Variants in PLEKHH2 observed in about 807,000 individuals in gnomAD.
PLEKHH2 encodes the protein pleckstrin homology domain-containing family H member 2.
A neutral mutation model predicts 187.9 loss-of-function variants in PLEKHH2; 129 were observed. The ratio of observed to expected loss-of-function variants is 0.69; its 90% confidence interval spans 0.59 to 0.79. The LOEUF (loss-of-function observed/expected upper bound fraction) is 0.79, where lower values mean the gene tolerates loss of function less well. Ranked by LOEUF, PLEKHH2 falls within the 30% of genes least tolerant of loss-of-function variation. The pLI is 0.00. For synonymous variants in PLEKHH2, 686 were observed against 605.6 expected (o/e 1.13, Z -1.95); for missense variants, 2,076 against 1,751.2 (o/e 1.19, Z -3.31).
intron 15 of PLEKHH2, among the ~76,000 whole-genome samples, chr2:43,716,703 C>T (rs1258325294): frequency 6.6e-6 from 1 of 152,156 alleles, no homozygotes; most frequent in Non-Finnish European, 1.5e-5. Flanking sequence ...TGCCCATCAC[C>T]TTGTTTCTAC....
intron 2 of PLEKHH2, among the ~76,000 whole-genome samples, chr2:43,658,386 C>G (rs575410912): frequency 1.6e-4 from 25 of 152,202 alleles, no homozygotes; most frequent in South Asian, 2.1e-4. Flanking sequence ...TATTAGTTAT[C>G]TATTGCTGTA....
intron 20 of PLEKHH2, 38 bp downstream of exon 20, chr2:43,738,558 AGT>A: frequency 1.3e-6 from 2 of 1,516,958 alleles, no homozygotes; most frequent in Non-Finnish European, 1.8e-6. Context: ...TGCAATTTAA[AGT>A]GTTTTTTTTT....
intron 2 of PLEKHH2, among the ~76,000 whole-genome samples, chr2:43,646,218 T>C (rs1335769206): frequency 6.6e-6 from 1 of 152,196 alleles, no homozygotes; most frequent in Non-Finnish European, 1.5e-5. Flanking sequence ...ATCTCCAAGT[T>C]GGAGAAGTTT....
At chr2:43,683,587 T>C (rs1668349035) in intron 3 of PLEKHH2, among the ~76,000 whole-genome samples, 1 of 152,210 alleles carries the variant, frequency 6.6e-6, no homozygotes, top group South Asian at 2.1e-4. Flanking sequence ...ATTTGTTCTC[T>C]AAAGCTTTCC....
At chr2:43,693,755 T>C (rs939784043) in intron 4 of PLEKHH2, among the ~76,000 whole-genome samples, 1 of 129,454 alleles carries the variant, frequency 7.7e-6, no homozygotes, top group East Asian at 2.0e-4. Flanking sequence ...AAAATTGCAC[T>C]GGGGATTGGG....
intron 23 of PLEKHH2, 27 bp from the exon 24 acceptor site, chr2:43,745,839 A>C: frequency 6.5e-7 from 1 of 1,538,166 alleles, no homozygotes; most frequent in South Asian, 1.2e-5. Context: ...AAGTACTGTA[A>C]ATCTCAGTTT....
intron 2 of PLEKHH2, chr2:43,675,989 C>G: frequency 6.2e-7 from 1 of 1,614,014 alleles, no homozygotes; most frequent in South Asian, 1.1e-5. Flanking sequence ...TCATTACTTT[C>G]TATATTGAAC....
chr2:43,765,573 C>G lies in PLEKHH2; in HGVS notation c.4457C>G (p.Pro1486Arg). 1 of 1,613,792 alleles carries G rather than the reference C, an allele frequency of 6.2e-7. No homozygotes were observed. The highest frequency in any genetic ancestry group is 8.5e-7 in the Non-Finnish European group (1 of 1,179,926). ...CAGCCTCTTCTGTCAAGCAGCAGACCGACCAAAGGCCCCACCTTACTCTGA... is the reference window on the plus strand; with the variant it reads ...CAGCCTCTTCTGTCAAGCAGCAGACGGACCAAAGGCCCCACCTTACTCTGA... ...GSQPLLSSSR[P>R]TKGPTLL is the part of the protein sequence containing the mutation. Residue 1486 changes from proline to arginine, a missense_variant, in exon 30 of 30, where the codon CCG (proline) becomes CGG (arginine). By Grantham distance (103) the Pro-to-Arg change is moderately radical (BLOSUM62 -2). Transcript: ENST00000282406.
At position 43,746,805 on chromosome 2, in the gene PLEKHH2, C is replaced by G. The variant is rs867341277; in HGVS notation, c.3653+842C>G. ...CCAATATGGTGAAACCCCATCTCTA[C>G]TAAAAATACAAAAAATTAGCCAGGC... is the stretch of plus-strand genomic sequence containing the variant. On this transcript the variant is annotated intron_variant, in intron 24 of 29. Coordinates refer to ENST00000282406, the MANE Select transcript of PLEKHH2 (RefSeq NM_172069.4). Among the ~76,000 whole-genome samples the G allele has an allele frequency of 2.0e-5, 3 of 151,954 alleles. No homozygotes were observed. The South Asian group carries it at 6.2e-4, about 32-fold the overall frequency.
chr2:43,750,282 G>A (rs1671954002), intron 24 of PLEKHH2, among the ~76,000 whole-genome samples: 2 of 152,148 alleles, frequency 1.3e-5, no homozygotes, highest in Admixed American at 1.3e-4. Context: ...GACCAGCCTG[G>A]CCAACATGGT....
chr2:43,676,243 C>T, intron 2 of PLEKHH2: 9 of 1,613,872 alleles, frequency 5.6e-6, no homozygotes, highest in Non-Finnish European at 7.6e-6. Context: ...GTGAATTTGG[C>T]CAAACATAGT....
intron 2 of PLEKHH2, among the ~76,000 whole-genome samples, chr2:43,674,979 C>T (rs1667666675): frequency 7.0e-6 from 1 of 143,588 alleles, no homozygotes; most frequent in African/African-American, 2.6e-5. Context: ...AGCAAGACTC[C>T]ATTTCAAAAA....
chr2:43,649,715 G>C (rs1666372392), intron 2 of PLEKHH2, among the ~76,000 whole-genome samples: 1 of 152,132 alleles, frequency 6.6e-6, no homozygotes, highest in African/African-American at 2.4e-5. Flanking sequence ...CACATCTTTG[G>C]TTACTGGTTG....
At chr2:43,697,014 T>C (rs1216512732) in intron 6 of PLEKHH2, among the ~76,000 whole-genome samples, 157 bp from the exon 7 acceptor site, 1 of 152,250 alleles carries the variant, frequency 6.6e-6, no homozygotes, top group Middle Eastern at 3.2e-3. Flanking sequence ...ATGCTTGTCA[T>C]TGAAGGTTCT....
At chr2:43,718,440 AG>A (rs1363578738) in intron 15 of PLEKHH2, among the ~76,000 whole-genome samples, 1 of 152,010 alleles carries the variant, frequency 6.6e-6, no homozygotes, top group Non-Finnish European at 1.5e-5. Context: ...TGGGAGGCTG[AG>A]GCAGGAGAAT....
chr2:43,720,662 G>T lies in PLEKHH2; in HGVS notation c.2461-7G>T, dbSNP rs1670437191. On this transcript the variant is annotated splice_polypyrimidine_tract_variant and splice_region_variant and intron_variant, in intron 15 of 29. Coordinates refer to ENST00000282406, the MANE Select transcript of PLEKHH2 (RefSeq NM_172069.4). ...TAAACTTGTAATTCATTGAAATATG[G>T]TTTCAGGTAAAACATGGATATTCCA... 6.2e-7 allele frequency: 1 copy of T among 1,607,316 alleles called. No homozygotes were observed. The highest frequency in any genetic ancestry group is 1.3e-5 in the African/African-American group (1 of 74,664).
At chr2:43,648,150 G>A (rs7571775) in intron 2 of PLEKHH2, among the ~76,000 whole-genome samples, 85,918 of 151,956 alleles carry the variant, frequency 0.57, 24,825 homozygotes, top group Middle Eastern at 0.63. Flanking sequence ...GAAGTAACTC[G>A]TTATTATTTT....
chr2:43,756,427 G>C lies in PLEKHH2; in HGVS notation c.3796-692G>C, dbSNP rs575437187. ...TCTGCCTCAGCCTCCCGAGTAGCTGGGATTACAGGTGCCTGCCACCACACC... is the reference window on the plus strand; with the variant it reads ...TCTGCCTCAGCCTCCCGAGTAGCTGCGATTACAGGTGCCTGCCACCACACC... On this transcript the variant is annotated intron_variant, in intron 25 of 29. Coordinates refer to ENST00000282406, the MANE Select transcript of PLEKHH2 (RefSeq NM_172069.4). Among the ~76,000 whole-genome samples, 16 of 151,962 alleles carry C rather than the reference G, an allele frequency of 1.1e-4. No homozygotes were observed. The South Asian group carries it at 3.3e-3, about 32-fold the overall frequency.
rs1307814977 is a variant in PLEKHH2, at chr2:43,764,247, T to C, written c.4178T>C (p.Val1393Ala). 3.3e-6 allele frequency: 5 copies of C among 1,532,202 alleles called. No individual in the cohort carries two copies. The South Asian group carries it at 6.3e-5, about 19-fold the overall frequency. The allele number at this position is 1,532,202 out of a possible 1,614,324, so 94.9% of individuals were successfully genotyped here. A position where few individuals can be genotyped will look rare whatever the true frequency, so the allele number is the denominator to read the frequency against. ...YNSMRLIVSY[V>A]YKSLMTFGGY... The stretch of plus-strand genomic sequence containing the variant: ...TTAAAGAGGTTAATAGTCAGCTATG[T>C]GTACAAGAGTCTAATGACCTTTGGA... The change falls in exon 29 of 30, where the codon GTG becomes GCG. Residue 1393 changes from valine to alanine, a missense_variant. Physicochemically the swap from Val to Ala is moderately conservative, Grantham distance 64 (BLOSUM62 0). Transcript: ENST00000282406.
Sources: gnomAD v4.1 joint callset for allele counts (sites outside exome capture counted in the v4.1 genomes callset) on GRCh38, gnomAD v4.1.1 for gene constraint, MANE v1.5 for transcripts, NCBI Gene and HGNC (gene_info 2026-07-23, HGNC 2026-07-21) for gene names.